SPEM3: variants seen among roughly 807,000 people sequenced by gnomAD.
SPEM3 encodes the protein uncharacterized protein SPEM3.
In SPEM3 at chr17:7,430,992, C is replaced by T. The variant is rs1907813579; in HGVS notation, c.1821C>T (p.Val607=). 5.0e-6 allele frequency: 2 copies of T among 398,776 alleles called. No homozygotes were observed. Among genetic ancestry groups the T allele is most frequent in the Non-Finnish European group, 8.8e-6 (2 of 226,276 alleles). The allele number at this position is 398,776 out of a possible 1,614,324, so 24.7% of individuals were successfully genotyped here. A position where few individuals can be genotyped will look rare whatever the true frequency, so the allele number is the denominator to read the frequency against. The change falls in exon 3 of 3, where the codon GTC becomes GTT. Residue 607 remains valine, a synonymous_variant. Transcript: ENST00000636696. ...SLPLVPPRSF[V]PPQPTNHQRP... ...CTCTCGTTCCTCCCAGATCCTTTGT[C>T]CCTCCTCAACCCACCAACCATCAGA...
chr17:7,429,043 C>A lies in SPEM3; in HGVS notation c.138+3C>A. 1 of 398,938 alleles carries A rather than the reference C, an allele frequency of 2.5e-6. No homozygotes were observed. The allele number at this position is 398,938 out of a possible 1,614,324, so 24.7% of individuals were successfully genotyped here. ...TGTGGATCAATGTGGTGACTCTGGTCAGGGCAGGATCTGGGTAGCAGGGTT... is the reference window on the plus strand; with the variant it reads ...TGTGGATCAATGTGGTGACTCTGGTAAGGGCAGGATCTGGGTAGCAGGGTT... On this transcript the variant is annotated splice_donor_region_variant and intron_variant, in intron 1 of 2. Coordinates refer to ENST00000636696, the MANE Select transcript of SPEM3 (RefSeq NM_001364708.1). This position sits in a 1 kb window ranked among gnomAD's most constrained non-coding sequence, Gnocchi z 4.9.
rs1218839943 is a variant in SPEM3 at position 7,430,239 on chromosome 17, G to A, written c.1068G>A (p.Ala356=). The A allele has an allele frequency of 2.9e-5, 12 of 409,348 alleles. No individual in the cohort carries two copies. The highest frequency in any genetic ancestry group is 2.2e-4 in the Admixed American group (5 of 22,662). The allele number at this position is 409,348 out of a possible 1,614,324, so 25.4% of individuals were successfully genotyped here. Residue 356 remains alanine (A), a synonymous_variant, in exon 3 of 3, where the codon GCG becomes GCA. Transcript: ENST00000636696. The part of the protein sequence containing the change: ...APEYTSAHAP[A]YIPDHSHLVR... ...AGTACACCTCAGCCCATGCCCCAGCGTATATCCCAGACCACTCTCATCTAG... is the reference window on the plus strand; with the variant it reads ...AGTACACCTCAGCCCATGCCCCAGCATATATCCCAGACCACTCTCATCTAG...
Position 7,429,451 on chromosome 17 carries a change from G to A in SPEM3, c.280G>A (p.Val94Ile), listed in dbSNP as rs796242486. The A allele has an allele frequency of 1.2e-4, 46 of 398,572 alleles. No individual in the cohort carries two copies. The highest frequency in any genetic ancestry group is 7.4e-4 in the African/African-American group (36 of 48,706). 24.7% of individuals were successfully genotyped at this position (398,572 alleles called of 1,614,324 possible). ...KNLCSKVSSRVHPRPGFLLRR... is the reference protein window; with the variant it reads ...KNLCSKVSSRIHPRPGFLLRR... The stretch of plus-strand genomic sequence containing the variant: ...CCTGTGCTCAAAAGTCTCTTCCCGC[G>A]TCCATCCTCGCCCAGGCTTCCTGCT... Residue 94 changes from valine to isoleucine, a missense_variant, in exon 3 of 3, where the codon GTC becomes ATC. Physicochemically the swap from Val to Ile is conservative, Grantham distance 29. Coordinates refer to ENST00000636696, the MANE Select transcript of SPEM3 (RefSeq NM_001364708.1). The surrounding 1 kb of genome is among the most constrained non-coding windows in gnomAD (Gnocchi z 4.9).
In SPEM3 at chr17:7,432,199, A is replaced by T. The variant is rs1033213060; in HGVS notation, c.3028A>T (p.Ser1010Cys). 2.5e-5 allele frequency: 10 copies of T among 398,500 alleles called. No homozygotes were observed. The highest frequency in any genetic ancestry group is 2.1e-4 in the African/African-American group (10 of 48,610). 24.7% of individuals were successfully genotyped at this position (398,500 alleles called of 1,614,324 possible). Residue 1010 changes from serine (S) to cysteine (C), a missense_variant, in exon 3 of 3, where the codon AGC becomes TGC. By Grantham distance (112) the Ser-to-Cys change is moderately radical. Transcript: ENST00000636696. This position sits in a 1 kb window ranked among gnomAD's most constrained non-coding sequence, Gnocchi z 4.1. ...TACCCAGGAATCTGGCCCCTACAAG[A>T]GCTCATGCCTCATCCCAGATCCCAG... Reference protein sequence around the residue: ...GLTQESGPYKSSCLIPDPSLY... With the variant: ...GLTQESGPYKCSCLIPDPSLY...
At position 7,432,748 on chromosome 17, in the gene SPEM3, G is replaced by GA. The variant is rs369511906; in HGVS notation, c.3578dup (p.Asp1193GlufsTer20). ...CTCGGGGAAACCATCAAGGAGTGGG[G>GA]ATATCAGAATGTGATGAGAACCTTG... On this transcript the variant is annotated frameshift_variant, in exon 3 of 3. Coordinates refer to ENST00000636696, the MANE Select transcript of SPEM3 (RefSeq NM_001364708.1). LOFTEE classifies it high-confidence loss of function. This position sits in a 1 kb window ranked among gnomAD's most constrained non-coding sequence, Gnocchi z 4.1. The GA allele has an allele frequency of 1.8e-5, 7 of 398,688 alleles. No homozygotes were observed. The highest frequency in any genetic ancestry group is 1.4e-4 in the African/African-American group (7 of 48,764). 24.7% of individuals were successfully genotyped at this position (398,688 alleles called of 1,614,324 possible).
In SPEM3 at chr17:7,429,781, G is replaced by A. The variant is rs969590933; in HGVS notation, c.610G>A (p.Glu204Lys). 1.4e-4 allele frequency: 55 copies of A among 399,502 alleles called. No individual in the cohort carries two copies. Among genetic ancestry groups the A allele is most frequent in the Non-Finnish European group, 1.9e-4 (42 of 226,940 alleles). 24.7% of individuals were successfully genotyped at this position (399,502 alleles called of 1,614,324 possible). Residue 204 changes from glutamate (E) to lysine (K), a missense_variant, in exon 3 of 3, where the codon GAG becomes AAG. By Grantham distance (56) the Glu-to-Lys change is moderately conservative. Transcript: ENST00000636696. The surrounding 1 kb of genome is among the most constrained non-coding windows in gnomAD (Gnocchi z 4.9). ...KTKTPDCAPA[E>K]APAQAQVHSP... ...TAAGACCCCAGACTGTGCCCCAGCC[G>A]AGGCCCCAGCTCAGGCCCAGGTCCA...
At position 7,429,809 on chromosome 17, in the gene SPEM3, C is replaced by A; in HGVS notation, c.638C>A (p.Ser213Tyr). Reference sequence around the variant, plus strand: ...GCCCCAGCTCAGGCCCAGGTCCACTCCCCAACCCACACTCCTGTGTGCACC... The same window carrying A: ...GCCCCAGCTCAGGCCCAGGTCCACTACCCAACCCACACTCCTGTGTGCACC... ...AEAPAQAQVH[S>Y]PTHTPVCTPT... The change falls in exon 3 of 3, where the codon TCC becomes TAC. Residue 213 changes from serine to tyrosine, a missense_variant. Ser to Tyr is a moderately radical substitution (Grantham distance 144). Transcript: ENST00000636696. The surrounding 1 kb of genome is among the most constrained non-coding windows in gnomAD (Gnocchi z 4.9). 1 of 400,832 alleles carries A rather than the reference C, an allele frequency of 2.5e-6. No homozygotes were observed. The highest frequency in any genetic ancestry group is 4.4e-6 in the Non-Finnish European group (1 of 227,666). The allele number at this position is 400,832 out of a possible 1,614,324, so 24.8% of individuals were successfully genotyped here. A position where few individuals can be genotyped will look rare whatever the true frequency, so the allele number is the denominator to read the frequency against.
Position 7,429,591 on chromosome 17 carries a change from A to G in SPEM3, c.420A>G (p.Ala140=), listed in dbSNP as rs1907762402. ...ATGCCGGCGTTCCCAGGGAGTCTGC[A>G]CGGGGACTGTACAAGGCGGGGATGA... ...CGHAGVPRES[A]RGLYKAGMMG... Residue 140 remains alanine (A), a synonymous_variant, in exon 3 of 3, where the codon GCA becomes GCG. Coordinates refer to ENST00000636696, the MANE Select transcript of SPEM3 (RefSeq NM_001364708.1). This position sits in a 1 kb window ranked among gnomAD's most constrained non-coding sequence, Gnocchi z 4.9. The G allele has an allele frequency of 7.5e-6, 3 of 398,610 alleles. No individual in the cohort carries two copies. The highest frequency in any genetic ancestry group is 4.4e-5 in the Admixed American group (1 of 22,706). 24.7% of individuals were successfully genotyped at this position (398,610 alleles called of 1,614,324 possible). A position where few individuals can be genotyped will look rare whatever the true frequency, so the allele number is the denominator to read the frequency against.
chr17:7,432,586 T>G lies in SPEM3; in HGVS notation c.3415T>G (p.Trp1139Gly). The change falls in exon 3 of 3, where the codon TGG becomes GGG. Residue 1139 changes from tryptophan to glycine, a missense_variant. Transcript: ENST00000636696. The surrounding 1 kb of genome is among the most constrained non-coding windows in gnomAD (Gnocchi z 4.1). ...RQMSMPTHIN[W>G]KSHCPGPGTQ... ...GATGTCTATGCCTACCCATATCAAC[T>G]GGAAGTCCCACTGCCCTGGACCAGG... The G allele has an allele frequency of 2.5e-6, 1 of 398,658 alleles. No homozygotes were observed. 24.7% of individuals were successfully genotyped at this position (398,658 alleles called of 1,614,324 possible).
At position 7,430,699 on chromosome 17, in the gene SPEM3, G is replaced by A; in HGVS notation, c.1528G>A (p.Gly510Arg). The A allele has an allele frequency of 2.5e-6, 1 of 398,668 alleles. No homozygotes were observed. The highest frequency in any genetic ancestry group is 4.4e-6 in the Non-Finnish European group (1 of 226,116). The allele number at this position is 398,668 out of a possible 1,614,324, so 24.7% of individuals were successfully genotyped here. A position where few individuals can be genotyped will look rare whatever the true frequency, so the allele number is the denominator to read the frequency against. ...CSGDSAKLPA[G>R]SILGYLELRN... ...TGGGGATAGTGCCAAGCTTCCTGCA[G>A]GATCCATACTGGGCTACCTGGAGTT... Residue 510 changes from glycine to arginine, a missense_variant, in exon 3 of 3, where the codon GGA becomes AGA. By Grantham distance (125) the Gly-to-Arg change is moderately radical. Coordinates refer to ENST00000636696, the MANE Select transcript of SPEM3 (RefSeq NM_001364708.1).
At position 7,432,212 on chromosome 17, in the gene SPEM3, T is replaced by C. The variant is rs1597736062; in HGVS notation, c.3041T>C (p.Ile1014Thr). ...GGCCCCTACAAGAGCTCATGCCTCA[T>C]CCCAGATCCCAGCCTCTACAAGAAC... is the stretch of plus-strand genomic sequence containing the variant. Reference protein sequence around the residue: ...ESGPYKSSCLIPDPSLYKNPS... With the variant: ...ESGPYKSSCLTPDPSLYKNPS... The change falls in exon 3 of 3, where the codon ATC becomes ACC. Residue 1014 changes from isoleucine to threonine, a missense_variant. Coordinates refer to ENST00000636696, the MANE Select transcript of SPEM3 (RefSeq NM_001364708.1). This position sits in a 1 kb window ranked among gnomAD's most constrained non-coding sequence, Gnocchi z 4.1. 2 of 398,562 alleles carry C rather than the reference T, an allele frequency of 5.0e-6. No individual in the cohort carries two copies. Among genetic ancestry groups the C allele is most frequent in the South Asian group, 1.3e-4 (1 of 7,864 alleles). 24.7% of individuals were successfully genotyped at this position (398,562 alleles called of 1,614,324 possible).
rs973899230 is a variant in SPEM3 at position 7,432,056 on chromosome 17, G to A, written c.2885G>A (p.Ser962Asn). 1.3e-5 allele frequency: 5 copies of A among 398,512 alleles called. No individual in the cohort carries two copies. Among genetic ancestry groups the A allele is most frequent in the African/African-American group, 2.1e-5 (1 of 48,616 alleles). 24.7% of individuals were successfully genotyped at this position (398,512 alleles called of 1,614,324 possible). A position where few individuals can be genotyped will look rare whatever the true frequency, so the allele number is the denominator to read the frequency against. Residue 962 changes from serine to asparagine, a missense_variant, in exon 3 of 3, where the codon AGC becomes AAC. Transcript: ENST00000636696. This position sits in a 1 kb window ranked among gnomAD's most constrained non-coding sequence, Gnocchi z 4.1. ...SLPQDVGVYR[S>N]SEHSQDSNLH... ...CCCCAAGATGTTGGAGTTTACAGGA[G>A]CTCAGAACATAGCCAAGACTCTAAT...
chr17:7,431,494 T>C lies in SPEM3; in HGVS notation c.2323T>C (p.Cys775Arg), dbSNP rs866464250. The change falls in exon 3 of 3, where the codon TGT becomes CGT. Residue 775 changes from cysteine to arginine, a missense_variant. Coordinates refer to ENST00000636696, the MANE Select transcript of SPEM3 (RefSeq NM_001364708.1). ...AGAAGCTGGTATCCTTAGGAGCCCA[T>C]GTCTCACCCAATCCCCTGGCCTCCA... ...TQEAGILRSP[C>R]LTQSPGLHKK... 12 of 398,476 alleles carry C rather than the reference T, an allele frequency of 3.0e-5. No individual in the cohort carries two copies. The highest frequency in any genetic ancestry group is 6.2e-4 in the Middle Eastern group (1 of 1,610). The allele number at this position is 398,476 out of a possible 1,614,324, so 24.7% of individuals were successfully genotyped here. A position where few individuals can be genotyped will look rare whatever the true frequency, so the allele number is the denominator to read the frequency against.
chr17:7,430,208 C>T lies in SPEM3; in HGVS notation c.1037C>T (p.Ala346Val), dbSNP rs1260070934. Reference sequence around the variant, plus strand: ...GTCCCAGCCCACCCCCAGGCCCATGCCCCTGAGTACACCTCAGCCCATGCC... The same window carrying T: ...GTCCCAGCCCACCCCCAGGCCCATGTCCCTGAGTACACCTCAGCCCATGCC... ...MPVPAHPQAH[A>V]PEYTSAHAPA... The change falls in exon 3 of 3, where the codon GCC becomes GTC. Residue 346 changes from alanine to valine, a missense_variant. Coordinates refer to ENST00000636696, the MANE Select transcript of SPEM3 (RefSeq NM_001364708.1). 25 of 413,614 alleles carry T rather than the reference C, an allele frequency of 6.0e-5. No individual in the cohort carries two copies. The East Asian group carries it at 8.5e-4, about 14-fold the overall frequency. 25.6% of individuals were successfully genotyped at this position (413,614 alleles called of 1,614,324 possible).
rs545176677 is a variant in SPEM3, at chr17:7,432,366, C to G, written c.3195C>G (p.His1065Gln). Reference protein sequence around the residue: ...KAAQKEDAQRHVLWARVQLNE... With the variant: ...KAAQKEDAQRQVLWARVQLNE... ...CTCAGAAGGAGGACGCACAGCGGCA[C>G]GTCCTCTGGGCTCGTGTCCAACTCA... The change falls in exon 3 of 3, where the codon CAC (histidine) becomes CAG (glutamine). Residue 1065 changes from histidine (H) to glutamine (Q), a missense_variant. His to Gln is a conservative substitution (Grantham distance 24, BLOSUM62 0). Transcript: ENST00000636696. The surrounding 1 kb of genome is among the most constrained non-coding windows in gnomAD (Gnocchi z 4.1). 1.0e-5 allele frequency: 4 copies of G among 398,678 alleles called. No individual in the cohort carries two copies. The East Asian group carries it at 1.4e-4, about 14-fold the overall frequency. 24.7% of individuals were successfully genotyped at this position (398,678 alleles called of 1,614,324 possible).
rs1907826756 is a variant in SPEM3 at position 7,431,328 on chromosome 17, T to G, written c.2157T>G (p.Asn719Lys). 5.0e-6 allele frequency: 2 copies of G among 398,230 alleles called. No individual in the cohort carries two copies. The highest frequency in any genetic ancestry group is 8.8e-6 in the Non-Finnish European group (2 of 226,024). 24.7% of individuals were successfully genotyped at this position (398,230 alleles called of 1,614,324 possible). A position where few individuals can be genotyped will look rare whatever the true frequency, so the allele number is the denominator to read the frequency against. The change falls in exon 3 of 3, where the codon AAT (asparagine) becomes AAG (lysine). Residue 719 changes from asparagine (N) to lysine (K), a missense_variant. Physicochemically the swap from Asn to Lys is moderately conservative, Grantham distance 94 (BLOSUM62 0). Coordinates refer to ENST00000636696, the MANE Select transcript of SPEM3 (RefSeq NM_001364708.1). ...GLHENPGLAP[N>K]QGLHEFPGLP... Reference sequence around the variant, plus strand: ...ACGAGAACCCAGGTCTTGCTCCAAATCAAGGCCTACATGAGTTCCCAGGCC... The same window carrying G: ...ACGAGAACCCAGGTCTTGCTCCAAAGCAAGGCCTACATGAGTTCCCAGGCC...
Position 7,431,653 on chromosome 17 carries a change from A to G in SPEM3, c.2482A>G (p.Thr828Ala), listed in dbSNP as rs540214569. ...IYKNQDLSQATDHQKNLGSSK... is the reference protein window; with the variant it reads ...IYKNQDLSQAADHQKNLGSSK... ...CAAAAATCAAGATCTCTCCCAAGCA[A>G]CTGACCACCAAAAGAACCTAGGCTC... Residue 828 changes from threonine (T) to alanine (A), a missense_variant, in exon 3 of 3, where the codon ACT (threonine) becomes GCT (alanine). Thr to Ala is a moderately conservative substitution (Grantham distance 58, BLOSUM62 0). Coordinates refer to ENST00000636696, the MANE Select transcript of SPEM3 (RefSeq NM_001364708.1). The G allele has an allele frequency of 8.0e-5, 32 of 398,564 alleles. No homozygotes were observed. In the East Asian group the frequency reaches 1.1e-3, roughly 14 times the overall value. 24.7% of individuals were successfully genotyped at this position (398,564 alleles called of 1,614,324 possible).
At position 7,430,769 on chromosome 17, in the gene SPEM3, T is replaced by C; in HGVS notation, c.1598T>C (p.Phe533Ser). Residue 533 changes from phenylalanine to serine, a missense_variant, in exon 3 of 3, where the codon TTC becomes TCC. Physicochemically the swap from Phe to Ser is radical, Grantham distance 155. Coordinates refer to ENST00000636696, the MANE Select transcript of SPEM3 (RefSeq NM_001364708.1). Reference protein sequence around the residue: ...WKNSDDAKDKFPQTKTSPYCS... With the variant: ...WKNSDDAKDKSPQTKTSPYCS... ...AACTCAGATGATGCCAAAGATAAGT[T>C]CCCCCAGACCAAGACTTCCCCTTAC... 2.5e-6 allele frequency: 1 copy of C among 398,308 alleles called. No homozygotes were observed. The highest frequency in any genetic ancestry group is 4.4e-5 in the Admixed American group (1 of 22,698). 24.7% of individuals were successfully genotyped at this position (398,308 alleles called of 1,614,324 possible). A position where few individuals can be genotyped will look rare whatever the true frequency, so the allele number is the denominator to read the frequency against.
Position 7,430,149 on chromosome 17 carries a change from C to T in SPEM3, c.978C>T (p.Thr326=), listed in dbSNP as rs1907783249. 7.1e-6 allele frequency: 3 copies of T among 420,944 alleles called. No homozygotes were observed. The East Asian group carries it at 1.1e-4, about 15-fold the overall frequency. 26.1% of individuals were successfully genotyped at this position (420,944 alleles called of 1,614,324 possible). A position where few individuals can be genotyped will look rare whatever the true frequency, so the allele number is the denominator to read the frequency against. The change falls in exon 3 of 3, where the codon ACC becomes ACT. Residue 326 remains threonine, a synonymous_variant. Transcript: ENST00000636696. The stretch of plus-strand genomic sequence containing the variant: ...CCCAGGCCCACAGCCCTGAACACAC[C>T]TCAGCCCACTCCCCAGCCCAGGCTC... ...THSQAHSPEH[T]SAHSPAQAPM... is the part of the protein sequence containing the mutation.
Sources: gnomAD v4.1 joint callset for allele counts on GRCh38, gnomAD v4.1.1 for gene constraint, Gnocchi (gnomAD v3.1) non-coding constraint, MANE v1.5 for transcripts, NCBI Gene and HGNC (gene_info 2026-07-23, HGNC 2026-07-21) for gene names.